ATP10B: variants seen among roughly 807,000 people sequenced by gnomAD.
ATP10B encodes phospholipid-transporting ATPase VB.
A neutral mutation model predicts 141.2 loss-of-function variants in ATP10B; 122 were observed. That is an observed-to-expected ratio of 0.86 (90% confidence interval 0.75 to 1.00). ATP10B has a LOEUF of 1.00. Among genes scored for constraint, ATP10B ranks in the 50% least tolerant of loss-of-function variants. ATP10B has a pLI of 0.00. For synonymous variants in ATP10B, 685 were observed against 692.0 expected, an observed-to-expected ratio of 0.99 and a Z score of 0.16; for missense variants, 1,876 against 1,825.3, an observed-to-expected ratio of 1.03 and a Z score of -0.51.
At chr5:160,597,728 G>A (rs1490154656) in intron 22 of ATP10B, among the ~76,000 whole-genome samples, 1 of 152,070 alleles carries the variant, frequency 6.6e-6, no homozygotes, top group Non-Finnish European at 1.5e-5. Context: ...ATCAAAAAGT[G>A]GGCAAAGGAC....
the ATP10B span, among the ~76,000 whole-genome samples, chr5:160,896,047 G>A: frequency 2.4e-4 from 36 of 152,324 alleles, no homozygotes; most frequent in African/African-American, 8.4e-4. Context: ...AGCTAAAGCA[G>A]TGTGTAGAGG....
At chr5:160,794,819 C>T (rs1034423229) in intron 1 of ATP10B, among the ~76,000 whole-genome samples, 1 of 152,264 alleles carries the variant, frequency 6.6e-6, no homozygotes, top group Admixed American at 6.5e-5. Flanking sequence ...GTATCATTGC[C>T]AATATACTCT....
In ATP10B at chr5:160,836,721, C is replaced by T. The variant is rs116656623; in HGVS notation, c.-576+15220G>A. ...TTCATACATTTGGTCCCTCTGGTTCCTCTGACTCAATCATTCTTTTCCACA... is the reference window on the plus strand; with the variant it reads ...TTCATACATTTGGTCCCTCTGGTTCTTCTGACTCAATCATTCTTTTCCACA... On this transcript the variant is annotated intron_variant, in intron 1 of 25. Transcript: ENST00000327245. Among the ~76,000 whole-genome samples, 233 of 152,196 alleles carry T rather than the reference C, an allele frequency of 1.5e-3. 1 individual carries two copies. The highest frequency in any genetic ancestry group is 6.8e-3 in the Middle Eastern group (2 of 294).
At chr5:160,568,259 G>A (rs1754668685) in intron 25 of ATP10B, among the ~76,000 whole-genome samples, 1 of 152,116 alleles carries the variant, frequency 6.6e-6, no homozygotes, top group African/African-American at 2.4e-5. Context: ...TTATGGTGAA[G>A]AGTCGTCTGC....
chr5:160,675,878 A>AGG (rs201534360), intron 6 of ATP10B, among the ~76,000 whole-genome samples: 10 of 41,240 alleles, frequency 2.4e-4, no homozygotes, highest in African/African-American at 6.9e-4. Flanking sequence ...GGGGTGGGGG[A>AGG]GGGGGGGCGA....
At chr5:160,743,741 A>C (rs1581449794) in intron 2 of ATP10B, among the ~76,000 whole-genome samples, 1 of 152,338 alleles carries the variant, frequency 6.6e-6, no homozygotes, top group East Asian at 1.9e-4. Context: ...TTATAAGACT[A>C]TAGCTAAATA....
chr5:160,631,198 G>A (rs948350588), intron 13 of ATP10B, among the ~76,000 whole-genome samples: 1 of 152,162 alleles, frequency 6.6e-6, no homozygotes, highest in Non-Finnish European at 1.5e-5. Flanking sequence ...AGATTGCTGG[G>A]GCTCCCTGTG....
At chr5:160,822,845 G>A (rs1380566366) in intron 1 of ATP10B, among the ~76,000 whole-genome samples, 1 of 151,294 alleles carries the variant, frequency 6.6e-6, no homozygotes, top group Non-Finnish European at 1.5e-5. Flanking sequence ...AGAGTAAAAG[G>A]ATGGTTACTA....
intron 3 of ATP10B, among the ~76,000 whole-genome samples, chr5:160,696,911 G>A (rs1764396007): frequency 6.6e-6 from 1 of 152,068 alleles, no homozygotes. Flanking sequence ...ATTTGCTTGA[G>A]GAATGACCAT....
chr5:160,793,108 T>C (rs1771699610), intron 1 of ATP10B, among the ~76,000 whole-genome samples: 1 of 152,246 alleles, frequency 6.6e-6, no homozygotes, highest in Non-Finnish European at 1.5e-5. Flanking sequence ...CCAACATTTA[T>C]TGTTGATTCA....
chr5:160,607,641 A>G (rs1040428253), intron 18 of ATP10B, among the ~76,000 whole-genome samples: 1 of 152,188 alleles, frequency 6.6e-6, no homozygotes, highest in Admixed American at 6.5e-5. Flanking sequence ...TGTGTTTATC[A>G]ATTGTTGTAT....
chr5:160,607,191 T>C (rs775883862), intron 18 of ATP10B, 105 bp from the exon 19 acceptor site: 47 of 905,456 alleles, frequency 5.2e-5, no homozygotes, highest in Non-Finnish European at 7.5e-5. Context: ...TCTACTACCA[T>C]AGAGATTATT....
chr5:160,929,265 TG>T, the ATP10B span, among the ~76,000 whole-genome samples: 1 of 152,174 alleles, frequency 6.6e-6, no homozygotes, highest in South Asian at 2.1e-4. Context: ...CAGGGAGGGT[TG>T]GCACTCCTTG....
intron 6 of ATP10B, among the ~76,000 whole-genome samples, chr5:160,670,962 C>G (rs1230383234): frequency 1.3e-5 from 2 of 151,750 alleles, no homozygotes; most frequent in Non-Finnish European, 2.9e-5. Context: ...GTCAGGAGTT[C>G]GAGACCAGCC....
chr5:160,891,155 T>G, the ATP10B span, among the ~76,000 whole-genome samples: 2 of 152,236 alleles, frequency 1.3e-5, no homozygotes. Context: ...AGGCCTTTTG[T>G]GTAACAGCTA....
intron 24 of ATP10B, among the ~76,000 whole-genome samples, chr5:160,578,454 T>A (rs78343706): frequency 0.017 from 2,660 of 152,274 alleles, 81 homozygotes; most frequent in African/African-American, 0.06. Context: ...GGTTTTCTGT[T>A]CCTGTGTTAG....
At chr5:160,729,053 A>G (rs1222660448) in intron 2 of ATP10B, among the ~76,000 whole-genome samples, 1 of 152,190 alleles carries the variant, frequency 6.6e-6, no homozygotes, top group Non-Finnish European at 1.5e-5. Flanking sequence ...AACTCTGGGG[A>G]ACAGAGGCTA....
chr5:160,599,309 A>C (rs1229548721), intron 21 of ATP10B, among the ~76,000 whole-genome samples: 1 of 152,216 alleles, frequency 6.6e-6, no homozygotes, highest in South Asian at 2.1e-4. Context: ...AACATTGCTT[A>C]ATTCAACATC....
intron 2 of ATP10B, among the ~76,000 whole-genome samples, chr5:160,729,048 T>G (rs1766555751): frequency 6.6e-6 from 1 of 152,212 alleles, no homozygotes; most frequent in African/African-American, 2.4e-5. Flanking sequence ...TGAATAACTC[T>G]GGGGAACAGA....
Sources: allele counts gnomAD v4.1 joint callset (sites outside exome capture counted in the v4.1 genomes callset), GRCh38; gene constraint gnomAD v4.1.1; transcripts MANE v1.5; gene names NCBI Gene and HGNC (gene_info 2026-07-23, HGNC 2026-07-21).